The following GALNT13 variants were observed in gnomAD, a reference collection of about 807,000 sequenced individuals.
The protein encoded by GALNT13 is UDP-GalNAc:polypeptide N-acetylgalactosaminyltransferase 13.
In GALNT13, 28 loss-of-function variants were observed where a neutral mutation model predicts 64.2. That is an observed-to-expected ratio of 0.44 (90% CI 0.32 to 0.60). The LOEUF is 0.60. Ranked by LOEUF, GALNT13 falls within the 20% of genes least tolerant of loss-of-function variation. GALNT13 has a pLI of 0.05. For missense variants in GALNT13, 577 were observed against 669.8 expected (o/e 0.86, Z 1.53); for synonymous variants, 214 against 224.6 (o/e 0.95, Z 0.42).
the GALNT13 span, among the ~76,000 whole-genome samples, chr2:153,387,840 C>T: frequency 6.6e-6 from 1 of 152,060 alleles, no homozygotes; most frequent in East Asian, 1.9e-4. Context: ...TTTTAGTTTG[C>T]ATATCATGTG....
the GALNT13 span, among the ~76,000 whole-genome samples, chr2:153,127,617 C>T: frequency 2.6e-5 from 4 of 152,160 alleles, no homozygotes; most frequent in Non-Finnish European, 5.9e-5. Flanking sequence ...TTTTTACTTT[C>T]AATTTTTATC....
chr2:153,813,825 G>A, the GALNT13 span, among the ~76,000 whole-genome samples: 1 of 152,122 alleles, frequency 6.6e-6, no homozygotes, highest in African/African-American at 2.4e-5. Flanking sequence ...CAATTATATA[G>A]GTTAGGAATT....
chr2:153,553,454 A>G, the GALNT13 span, among the ~76,000 whole-genome samples: 5 of 152,172 alleles, frequency 3.3e-5, no homozygotes, highest in East Asian at 9.7e-4. Flanking sequence ...GTGAGCCATG[A>G]TTGCACCACT....
chr2:153,274,546 T>C, the GALNT13 span, among the ~76,000 whole-genome samples: 1 of 152,190 alleles, frequency 6.6e-6, no homozygotes, highest in Admixed American at 6.5e-5. Context: ...GGGACCTCAG[T>C]ACCTGAAGGC....
chr2:153,985,738 A>G (rs1383136590), intron 3 of GALNT13, among the ~76,000 whole-genome samples: 2 of 151,986 alleles, frequency 1.3e-5, no homozygotes, highest in East Asian at 3.9e-4. Context: ...GCTTGACATC[A>G]CATGAAAACA....
chr2:153,402,780 A>G, the GALNT13 span, among the ~76,000 whole-genome samples: 1 of 151,980 alleles, frequency 6.6e-6, no homozygotes, highest in African/African-American at 2.4e-5. Context: ...CAGCTCCATC[A>G]GCTCCTTTAA....
At chr2:153,699,946 A>G in the GALNT13 span, among the ~76,000 whole-genome samples, 1 of 152,196 alleles carries the variant, frequency 6.6e-6, no homozygotes, top group Non-Finnish European at 1.5e-5. Flanking sequence ...TTCTGAAACT[A>G]TTCAAAACAA....
At chr2:154,306,936 A>G (rs987686744) in intron 9 of GALNT13, among the ~76,000 whole-genome samples, 3 of 151,992 alleles carry the variant, frequency 2.0e-5, no homozygotes, top group South Asian at 2.1e-4. Context: ...TGTTAGTCCT[A>G]CAAAGGCAGA....
intron 2 of GALNT13, among the ~76,000 whole-genome samples, chr2:153,901,386 G>A (rs55863871): frequency 0.1 from 15,616 of 152,186 alleles, 1,900 homozygotes; most frequent in East Asian, 0.62. Flanking sequence ...GATAGGAATA[G>A]TATTGAATCT....
At chr2:154,069,420 CAA>C (rs1450862377) in intron 3 of GALNT13, among the ~76,000 whole-genome samples, 2 of 151,570 alleles carry the variant, frequency 1.3e-5, no homozygotes, top group African/African-American at 4.8e-5. Context: ...CATGAAACAC[CAA>C]GAGAGATTTT....
At chr2:154,009,801 T>C (rs1696505295) in intron 3 of GALNT13, among the ~76,000 whole-genome samples, 1 of 152,200 alleles carries the variant, frequency 6.6e-6, no homozygotes, top group African/African-American at 2.4e-5. Context: ...GAGCATGGAA[T>C]GCTTTTCCTT....
At chr2:154,312,055 A>G (rs1035560884) in intron 9 of GALNT13, among the ~76,000 whole-genome samples, 1 of 152,164 alleles carries the variant, frequency 6.6e-6, no homozygotes, top group Non-Finnish European at 1.5e-5. Flanking sequence ...CTGAGACGAT[A>G]TACATCCTTC....
the GALNT13 span, among the ~76,000 whole-genome samples, chr2:153,141,425 C>T: frequency 3.4e-4 from 51 of 152,104 alleles, no homozygotes; most frequent in Middle Eastern, 3.4e-3. Flanking sequence ...GGTAGAGCTT[C>T]CACCCCGTGA....
At position 154,220,289 on chromosome 2, in the gene GALNT13, A is replaced by G. The variant is rs529580628; in HGVS notation, c.312-21741A>G. Among the ~76,000 whole-genome samples the G allele has an allele frequency of 1.5e-4, 23 of 152,246 alleles. No homozygotes were observed. In the South Asian group the frequency reaches 2.3e-3, roughly 15 times the overall value. On this transcript the variant is annotated intron_variant, in intron 4 of 12. Transcript: ENST00000392825. ...TGGATGTGTAGTAAAAGAAAAGCTT[A>G]AAGTCATTTGTAGAGATTAGAAAGT...
At chr2:154,012,041 T>A (rs546286495) in intron 3 of GALNT13, among the ~76,000 whole-genome samples, 1 of 152,182 alleles carries the variant, frequency 6.6e-6, no homozygotes, top group Admixed American at 6.5e-5. Flanking sequence ...TTATGCCTTT[T>A]AATTGGGGCA....
intron 3 of GALNT13, among the ~76,000 whole-genome samples, chr2:153,974,143 T>C (rs1267780568): frequency 6.6e-6 from 1 of 152,082 alleles, no homozygotes; most frequent in African/African-American, 2.4e-5. Flanking sequence ...TGAAACACTA[T>C]TTTGTGGCTG....
the GALNT13 span, among the ~76,000 whole-genome samples, chr2:153,627,717 T>C: frequency 2.9e-3 from 439 of 152,230 alleles, 9 homozygotes; most frequent in Admixed American, 0.023. Flanking sequence ...AGAAGGAGAC[T>C]CTTCTCAACT....
At chr2:153,728,144 T>C in the GALNT13 span, among the ~76,000 whole-genome samples, 3 of 152,226 alleles carry the variant, frequency 2.0e-5, no homozygotes, top group South Asian at 2.1e-4. Flanking sequence ...CAGTCTATTA[T>C]TGATGGCCAT....
chr2:153,333,689 CA>C, the GALNT13 span, among the ~76,000 whole-genome samples: 4 of 152,168 alleles, frequency 2.6e-5, no homozygotes, highest in African/African-American at 7.2e-5. Flanking sequence ...TATTGGTTGC[CA>C]GAAACATTAT....
Sources: allele counts gnomAD v4.1 joint callset (sites outside exome capture counted in the v4.1 genomes callset), GRCh38; gene constraint gnomAD v4.1.1; transcripts MANE v1.5; gene names NCBI Gene and HGNC (gene_info 2026-07-23, HGNC 2026-07-21).